Variants in SLC25A33 observed in about 807,000 individuals in gnomAD.
SLC25A33 encodes the protein bone marrow stromal cell mitochondrial carrier protein.
A neutral mutation model predicts 35.5 loss-of-function variants in SLC25A33; 15 were observed. That is an observed-to-expected ratio of 0.42 (90% CI 0.28 to 0.65). SLC25A33 has a LOEUF of 0.65. SLC25A33 is among the 30% of genes least tolerant of loss of function. The pLI, the probability that SLC25A33 is intolerant of heterozygous loss-of-function variation, is 0.20. For missense variants in SLC25A33, 257 were observed against 398.5 expected (o/e 0.64, Z 3.02); for synonymous variants, 136 against 148.7 (o/e 0.91, Z 0.62).
chr1:9,570,300 TA>T lies in SLC25A33; in HGVS notation c.359del (p.Asn120MetfsTer26), dbSNP rs758789548. On this transcript the variant is annotated frameshift_variant, in exon 4 of 7. Transcript: ENST00000302692. LOFTEE classifies it high-confidence loss of function. ...GTTACTCCAAAGCCAAAGAGCAATT[TA>T]ATGGCATTTTCGTGCCTAACAGCAA... ...ACYSKAKEQFNGIFVPNSNIV... is the reference protein window; with the variant it reads ...ACYSKAKEQFXGIFVPNSNIV... 4 of 1,614,160 alleles carry T rather than the reference TA, an allele frequency of 2.5e-6. No individual in the cohort carries two copies. Among genetic ancestry groups the T allele is most frequent in the Non-Finnish European group, 1.7e-6 (2 of 1,180,030 alleles).
intron 1 of SLC25A33, among the ~76,000 whole-genome samples, chr1:9,550,663 T>TATTA (rs751160955): frequency 2.7e-4 from 41 of 152,112 alleles, no homozygotes; most frequent in East Asian, 9.6e-4. Flanking sequence ...TTTTTATTTT[T>TATTA]ATTAATTAAT....
chr1:9,552,769 G>A (rs1177510660), intron 1 of SLC25A33, among the ~76,000 whole-genome samples: 1 of 152,090 alleles, frequency 6.6e-6, no homozygotes, highest in East Asian at 1.9e-4. Context: ...AAATGATGAA[G>A]CAGGTGCATA....
chr1:9,546,585 G>A (rs1643173816), intron 1 of SLC25A33, among the ~76,000 whole-genome samples: 1 of 152,144 alleles, frequency 6.6e-6, no homozygotes, highest in East Asian at 1.9e-4. Flanking sequence ...CCTCAGAACT[G>A]TTAAGACAAG....
intron 2 of SLC25A33, among the ~76,000 whole-genome samples, chr1:9,560,595 T>A (rs1441735470): frequency 6.6e-6 from 1 of 152,170 alleles, no homozygotes; most frequent in Non-Finnish European, 1.5e-5. Context: ...TTAATAGTCT[T>A]ACTCATTTGG....
chr1:9,545,890 G>A (rs1045282399), intron 1 of SLC25A33, among the ~76,000 whole-genome samples: 31 of 151,728 alleles, frequency 2.0e-4, no homozygotes, highest in Non-Finnish European at 3.7e-4. Context: ...TTGAACCCGG[G>A]AGGCGGAGCT....
At chr1:9,549,666 G>T (rs868857554) in intron 1 of SLC25A33, among the ~76,000 whole-genome samples, 1 of 150,110 alleles carries the variant, frequency 6.7e-6, no homozygotes, top group South Asian at 2.1e-4. Flanking sequence ...TGTCGCTCAG[G>T]CTGGAGTGCA....
chr1:9,579,839 G>A, intron 5 of SLC25A33, 115 bp from the exon 6 acceptor site: 10 of 1,257,996 alleles, frequency 7.9e-6, no homozygotes, highest in Non-Finnish European at 1.1e-5. Context: ...TAGGAGCCAG[G>A]AAACAAGTAT....
At chr1:9,569,391 C>T (rs1029817461) in intron 3 of SLC25A33, among the ~76,000 whole-genome samples, 1 of 152,100 alleles carries the variant, frequency 6.6e-6, no homozygotes, top group African/African-American at 2.4e-5. Flanking sequence ...CTGGGGTGTG[C>T]CTTATTCATA....
chr1:9,564,264 G>A (rs767011248), intron 2 of SLC25A33, among the ~76,000 whole-genome samples: 6 of 151,792 alleles, frequency 4.0e-5, no homozygotes, highest in Non-Finnish European at 8.8e-5. Flanking sequence ...TAACTTTTTT[G>A]TGTGAAAAGC....
At chr1:9,555,142 G>C (rs1215875306) in intron 2 of SLC25A33, among the ~76,000 whole-genome samples, 2 of 134,518 alleles carry the variant, frequency 1.5e-5, no homozygotes, top group Admixed American at 7.8e-5. Flanking sequence ...TTTTGAGATG[G>C]AGTCTCACTC....
rs754577273 is a variant in SLC25A33 at position 9,580,867 on chromosome 1, ATAATAAT to A, written c.763+634_763+640del. ...GAGACTCTGTCTCAAAAAAAAAAAA[ATAATAAT>A]AATAATAATAATAATAATAATCATT... On this transcript the variant is annotated intron_variant, in intron 6 of 6. Coordinates refer to ENST00000302692, the MANE Select transcript of SLC25A33 (RefSeq NM_032315.3). Among the ~76,000 whole-genome samples, 837 of 126,256 alleles carry A rather than the reference ATAATAAT, an allele frequency of 6.6e-3. 14 individuals are homozygous for A. Among genetic ancestry groups the A allele is most frequent in the African/African-American group, 0.028 (763 of 27,574 alleles). 82.8% of individuals were successfully genotyped at this position (126,256 alleles called of 152,430 possible).
chr1:9,580,862 A>T (rs868674885), intron 6 of SLC25A33, among the ~76,000 whole-genome samples: 3,930 of 125,820 alleles, frequency 0.031, 149 homozygotes, highest in African/African-American at 0.11. Flanking sequence ...CTCAAAAAAA[A>T]AAAAATAATA....
intron 6 of SLC25A33, among the ~76,000 whole-genome samples, chr1:9,580,780 C>T (rs562888231): frequency 1.1e-4 from 17 of 151,194 alleles, no homozygotes; most frequent in African/African-American, 1.7e-4. Context: ...CGCTTGAACC[C>T]GGGAGGTGGA....
intron 6 of SLC25A33, among the ~76,000 whole-genome samples, chr1:9,580,865 A>AT (rs1191503903): frequency 7.6e-4 from 98 of 129,416 alleles, no homozygotes; most frequent in African/African-American, 2.1e-3. Flanking sequence ...AAAAAAAAAA[A>AT]AATAATAATA....
In SLC25A33 at chr1:9,551,425, A is replaced by G. The variant is rs551175458; in HGVS notation, c.57-2201A>G. The stretch of plus-strand genomic sequence containing the variant: ...TAAAATAATCCCTCATGGGGATTTT[A>G]CTTCATTCGTTACTTTCAGAGTGTG... On this transcript the variant is annotated intron_variant, in intron 1 of 6. Transcript: ENST00000302692. 4.6e-5 allele frequency among the ~76,000 whole-genome samples: 7 copies of G among 152,306 alleles called. No individual in the cohort carries two copies. In the South Asian group the frequency reaches 1.2e-3, roughly 27 times the overall value.
chr1:9,547,586 G>A (rs1253037071), intron 1 of SLC25A33, among the ~76,000 whole-genome samples: 2 of 152,074 alleles, frequency 1.3e-5, no homozygotes, highest in African/African-American at 4.8e-5. Context: ...TCTAGAATAG[G>A]GTTTCTCAAC....
At chr1:9,549,878 C>A (rs1447318277) in intron 1 of SLC25A33, among the ~76,000 whole-genome samples, 1 of 148,688 alleles carries the variant, frequency 6.7e-6, no homozygotes, top group East Asian at 1.9e-4. Flanking sequence ...CCACCTCAGC[C>A]TCCCAGAGTG....
chr1:9,544,416 G>T (rs1370189303), intron 1 of SLC25A33, among the ~76,000 whole-genome samples: 1 of 151,652 alleles, frequency 6.6e-6, no homozygotes, highest in East Asian at 2.0e-4. Context: ...TTACAGGCAC[G>T]TGCCACCATG....
intron 2 of SLC25A33, among the ~76,000 whole-genome samples, chr1:9,560,436 C>T (rs1164547871): frequency 2.7e-5 from 4 of 148,550 alleles, no homozygotes; most frequent in Non-Finnish European, 4.5e-5. Flanking sequence ...TGGCGGTGGG[C>T]GCCTGTAATC....
Sources: allele counts gnomAD v4.1 joint callset (sites outside exome capture counted in the v4.1 genomes callset), GRCh38; gene constraint gnomAD v4.1.1; transcripts MANE v1.5; gene names NCBI Gene and HGNC (gene_info 2026-07-23, HGNC 2026-07-21).